Variants in MARCHF1 observed in about 807,000 individuals in gnomAD.
The protein encoded by MARCHF1 is membrane associated ring-CH-type finger 1.
In MARCHF1, 40 loss-of-function variants were observed where a neutral mutation model predicts 54.2. The ratio of observed to expected loss-of-function variants is 0.74; its 90% CI spans 0.57 to 0.96. The LOEUF (loss-of-function observed/expected upper bound fraction) is 0.96. MARCHF1 is among the 40% of genes least tolerant of loss of function. The pLI, the probability that MARCHF1 is intolerant of heterozygous loss-of-function variation, is 0.00. For missense variants in MARCHF1, 586 were observed against 656.5 expected (o/e 0.89, Z 1.17); for synonymous variants, 236 against 236.3 (o/e 1.00, Z 0.01).
chr4:164,040,937 G>A (rs1300936602), intron 2 of MARCHF1, among the ~76,000 whole-genome samples: 2 of 152,016 alleles, frequency 1.3e-5, no homozygotes, highest in Non-Finnish European at 2.9e-5. Context: ...AAGCTACTGA[G>A]CTAAAACTGT....
chr4:164,254,252 A>C (rs751275635), intron 1 of MARCHF1, among the ~76,000 whole-genome samples: 1 of 151,454 alleles, frequency 6.6e-6, no homozygotes, highest in Non-Finnish European at 1.5e-5. Flanking sequence ...GGATTTCTCT[A>C]TGCTGGCCAG....
intron 5 of MARCHF1, among the ~76,000 whole-genome samples, chr4:163,629,653 T>C (rs4321586): frequency 0.035 from 5,346 of 152,202 alleles, 309 homozygotes; most frequent in East Asian, 0.2. Flanking sequence ...TTTTGCAATC[T>C]ATCCATCTGA....
At chr4:164,343,579 C>G (rs1729988647) in intron 1 of MARCHF1, among the ~76,000 whole-genome samples, 1 of 152,020 alleles carries the variant, frequency 6.6e-6, no homozygotes, top group Admixed American at 6.6e-5. Context: ...TTTCACGTCT[C>G]CTTTTCAAAA....
chr4:163,754,270 A>G (rs758351163), intron 4 of MARCHF1, among the ~76,000 whole-genome samples: 2 of 152,218 alleles, frequency 1.3e-5, no homozygotes, highest in South Asian at 2.1e-4. Context: ...TTATTGGATT[A>G]TATTTGTGTT....
chr4:163,613,539 T>C, intron 5 of MARCHF1, 146 bp from the exon 6 acceptor site: 3 of 1,556,134 alleles, frequency 1.9e-6, no homozygotes, highest in Non-Finnish European at 2.6e-6. Flanking sequence ...ATATAGGAAG[T>C]TTGAGGTTGG....
chr4:163,652,582 G>A (rs563753658), intron 5 of MARCHF1, among the ~76,000 whole-genome samples: 79 of 151,732 alleles, frequency 5.2e-4, no homozygotes, highest in South Asian at 8.3e-4. Flanking sequence ...AAAAGTCCCC[G>A]TTTCCAGTAA....
chr4:164,364,163 T>G (rs1020205996), intron 1 of MARCHF1, among the ~76,000 whole-genome samples: 1 of 152,086 alleles, frequency 6.6e-6, no homozygotes, highest in African/African-American at 2.4e-5. Context: ...ACATTTTTAA[T>G]AACCTTTAGT....
chr4:164,241,228 G>A (rs1321086828), intron 1 of MARCHF1, among the ~76,000 whole-genome samples: 1 of 152,068 alleles, frequency 6.6e-6, no homozygotes, highest in Non-Finnish European at 1.5e-5. Context: ...CAACCAATCA[G>A]CAGTATCTAT....
chr4:164,305,246 T>G (rs565508608), intron 1 of MARCHF1, among the ~76,000 whole-genome samples: 37 of 152,224 alleles, frequency 2.4e-4, no homozygotes, highest in African/African-American at 8.9e-4. Flanking sequence ...AAATGCAACA[T>G]ACGTATAGAT....
At chr4:164,376,996 C>G (rs1389450883) in intron 1 of MARCHF1, among the ~76,000 whole-genome samples, 3 of 152,172 alleles carry the variant, frequency 2.0e-5, no homozygotes, top group Non-Finnish European at 4.4e-5. Flanking sequence ...TCTCACCAAG[C>G]TTCCATTTAT....
chr4:164,191,922 C>T (rs1731134728), intron 1 of MARCHF1, among the ~76,000 whole-genome samples: 1 of 152,064 alleles, frequency 6.6e-6, no homozygotes, highest in African/African-American at 2.4e-5. Flanking sequence ...AATTATGACT[C>T]AGGAATTGCT....
At chr4:163,673,212 G>C (rs1347222889) in intron 5 of MARCHF1, among the ~76,000 whole-genome samples, 2 of 152,176 alleles carry the variant, frequency 1.3e-5, no homozygotes, top group East Asian at 3.8e-4. Context: ...TTTCTGGACA[G>C]AGAGTTACTG....
At chr4:164,251,271 TATACA>T (rs1733115430) in intron 1 of MARCHF1, among the ~76,000 whole-genome samples, 2 of 152,206 alleles carry the variant, frequency 1.3e-5, no homozygotes, top group East Asian at 1.9e-4. Context: ...AATACCATTT[TATACA>T]CAGAACATAT....
chr4:163,611,524 T>C (rs543217519), intron 7 of MARCHF1, among the ~76,000 whole-genome samples: 1 of 152,148 alleles, frequency 6.6e-6, no homozygotes, highest in Non-Finnish European at 1.5e-5. Flanking sequence ...TATGAAAATG[T>C]ACAAATATAT....
At chr4:164,329,008 C>T (rs974146808) in intron 1 of MARCHF1, among the ~76,000 whole-genome samples, 1 of 152,100 alleles carries the variant, frequency 6.6e-6, no homozygotes, top group Non-Finnish European at 1.5e-5. Flanking sequence ...GATCACCAAC[C>T]TAAGTATACA....
At chr4:164,020,742 G>A (rs1321787851) in intron 2 of MARCHF1, among the ~76,000 whole-genome samples, 1 of 152,086 alleles carries the variant, frequency 6.6e-6, no homozygotes, top group Non-Finnish European at 1.5e-5. Flanking sequence ...AACAGCCCAG[G>A]CAACACGGAG....
At chr4:164,381,030 G>C (rs926836248) in intron 1 of MARCHF1, among the ~76,000 whole-genome samples, 6 of 152,180 alleles carry the variant, frequency 3.9e-5, no homozygotes, top group African/African-American at 1.4e-4. Context: ...ATGAAAGCAA[G>C]AGGTCGTCAA....
At chr4:164,308,056 TGA>T (rs1734743112) in intron 1 of MARCHF1, among the ~76,000 whole-genome samples, 1 of 152,180 alleles carries the variant, frequency 6.6e-6, no homozygotes, top group Non-Finnish European at 1.5e-5. Flanking sequence ...TATACACTAA[TGA>T]ATATAGACCA....
At chr4:164,176,259 T>G (rs1029817559) in intron 1 of MARCHF1, among the ~76,000 whole-genome samples, 1 of 152,176 alleles carries the variant, frequency 6.6e-6, no homozygotes, top group African/African-American at 2.4e-5. Context: ...ACAGATGTAA[T>G]CATTTTATAC....
Sources: gnomAD v4.1 joint callset for allele counts (sites outside exome capture counted in the v4.1 genomes callset) on GRCh38, gnomAD v4.1.1 for gene constraint, MANE v1.5 for transcripts, NCBI Gene and HGNC (gene_info 2026-07-23, HGNC 2026-07-21) for gene names.